The following ADAMTS9 variants were observed in gnomAD, a reference collection of about 807,000 sequenced individuals.
ADAMTS9 encodes the protein A disintegrin and metalloproteinase with thrombospondin motifs 9.
A neutral mutation model predicts 257.1 loss-of-function variants in ADAMTS9; 107 were observed. That is an observed-to-expected ratio of 0.42 (90% CI 0.36 to 0.49). The LOEUF (loss-of-function observed/expected upper bound fraction) is 0.49, where lower values mean the gene tolerates loss of function less well. Among genes scored for constraint, ADAMTS9 ranks in the 20% least tolerant of loss-of-function variants. ADAMTS9 has a pLI of 0.03. For synonymous variants in ADAMTS9, 982 were observed against 880.9 expected, an observed-to-expected ratio of 1.11 and a Z score of -2.03; for missense variants, 2,353 against 2,469.1, an observed-to-expected ratio of 0.95 and a Z score of 1.00.
chr3:64,659,580 G>C (rs1009112708), intron 3 of ADAMTS9, among the ~76,000 whole-genome samples: 1 of 151,888 alleles, frequency 6.6e-6, no homozygotes, highest in Non-Finnish European at 1.5e-5. Flanking sequence ...AGACGATACA[G>C]AGGAACTGTA....
chr3:64,598,547 T>C (rs755492822), intron 26 of ADAMTS9, among the ~76,000 whole-genome samples: 16 of 152,106 alleles, frequency 1.1e-4, no homozygotes, highest in Non-Finnish European at 2.1e-4. Context: ...CTCGAACTCT[T>C]GGCCTCAAGC....
intron 27 of ADAMTS9, 84 bp from the exon 28 acceptor site, chr3:64,594,518 A>T (rs889106987): frequency 9.8e-6 from 15 of 1,533,476 alleles, no homozygotes; most frequent in Non-Finnish European, 1.2e-5. Flanking sequence ...TCTTAGCCAA[A>T]CTCAATTATG....
At chr3:64,525,954 A>G (rs4494919) in intron 38 of ADAMTS9, among the ~76,000 whole-genome samples, 3,200 of 147,756 alleles carry the variant, frequency 0.022, 114 homozygotes, top group African/African-American at 0.072. Context: ...TATAATAAAC[A>G]TTTATATAAA....
chr3:64,535,959 C>T (rs2106899940), intron 37 of ADAMTS9, among the ~76,000 whole-genome samples: 1 of 152,254 alleles, frequency 6.6e-6, no homozygotes, highest in East Asian at 1.9e-4. Flanking sequence ...TTTCTCCCTC[C>T]ATTCTGCTTT....
chr3:64,560,625 A>C (rs2083403981), intron 30 of ADAMTS9, among the ~76,000 whole-genome samples: 1 of 152,140 alleles, frequency 6.6e-6, no homozygotes, highest in Non-Finnish European at 1.5e-5. Context: ...GGATGATGAT[A>C]ATAATAATAA....
intron 38 of ADAMTS9, among the ~76,000 whole-genome samples, chr3:64,532,435 C>G (rs533359174): frequency 1.3e-5 from 2 of 152,066 alleles, no homozygotes; most frequent in South Asian, 4.2e-4. Context: ...GGGTTTCTAC[C>G]GAGCGTGTTC....
At chr3:64,676,233 A>G (rs1468678219) in intron 3 of ADAMTS9, among the ~76,000 whole-genome samples, 1 of 152,206 alleles carries the variant, frequency 6.6e-6, no homozygotes, top group Non-Finnish European at 1.5e-5. Flanking sequence ...CTAAGGTCCT[A>G]AGATCCTAAG....
At chr3:64,646,680 G>A (rs527476941) in intron 11 of ADAMTS9, among the ~76,000 whole-genome samples, 6 of 152,176 alleles carry the variant, frequency 3.9e-5, no homozygotes, top group Admixed American at 2.0e-4. Context: ...TTTTATTTTC[G>A]CATTGGACTT....
intron 31 of ADAMTS9, among the ~76,000 whole-genome samples, chr3:64,549,532 C>G (rs983748840): frequency 6.6e-6 from 1 of 152,098 alleles, no homozygotes; most frequent in Non-Finnish European, 1.5e-5. Flanking sequence ...AAATCAATGT[C>G]GTAAAGATCA....
At chr3:64,607,897 C>G (rs536999396) in intron 22 of ADAMTS9, among the ~76,000 whole-genome samples, 34 of 152,130 alleles carry the variant, frequency 2.2e-4, no homozygotes, top group African/African-American at 8.2e-4. Context: ...CGTTAGGCTG[C>G]AAAACAAGTC....
Position 64,541,324 on chromosome 3 carries a change from G to A in ADAMTS9, c.5383C>T (p.His1795Tyr), listed in dbSNP as rs769061634. 6 of 1,614,096 alleles carry A rather than the reference G, an allele frequency of 3.7e-6. No individual in the cohort carries two copies. In the South Asian group the frequency reaches 6.6e-5, roughly 18 times the overall value. ...TTCTGAGCCTGGCTCTCCTACCTGT[G>A]CCCATAAACCTCGGAGAAATTCTCA... is the stretch of plus-strand genomic sequence containing the variant. Reference protein sequence around the residue: ...DSENFSEVYGHRLHNPTECPY... With the variant: ...DSENFSEVYGYRLHNPTECPY... Residue 1795 changes from histidine to tyrosine, a missense_variant, in exon 35 of 40, where the codon CAC becomes TAC. Physicochemically the swap from His to Tyr is moderately conservative, Grantham distance 83. Transcript: ENST00000498707.
intron 25 of ADAMTS9, 72 bp from the exon 26 acceptor site, chr3:64,602,285 T>G: frequency 6.4e-7 from 1 of 1,550,684 alleles, no homozygotes; most frequent in Non-Finnish European, 8.8e-7. Flanking sequence ...GAATGTGCAT[T>G]TCTGTAAATG....
chr3:64,527,963 G>C (rs181028511), intron 38 of ADAMTS9, among the ~76,000 whole-genome samples: 4 of 152,264 alleles, frequency 2.6e-5, no homozygotes, highest in African/African-American at 9.6e-5. Context: ...GTGAATTGAA[G>C]GATAGGAACT....
At chr3:64,520,478 G>A (rs1018417688) in intron 39 of ADAMTS9, among the ~76,000 whole-genome samples, 1 of 152,112 alleles carries the variant, frequency 6.6e-6, no homozygotes, top group African/African-American at 2.4e-5. Context: ...GAGCCTAAAA[G>A]CGAAAGCAAT....
At chr3:64,550,214 TG>T (rs2083254457) in intron 31 of ADAMTS9, 1 of 152,216 alleles carries the variant, frequency 6.6e-6, no homozygotes, top group South Asian at 2.1e-4. Flanking sequence ...GGAAGATATA[TG>T]AAAAAATGGT....
intron 32 of ADAMTS9, among the ~76,000 whole-genome samples, chr3:64,544,894 T>C (rs994791332): frequency 6.6e-6 from 1 of 152,096 alleles, no homozygotes; most frequent in Admixed American, 6.6e-5. Context: ...CCAGAATCTA[T>C]GAAGAACTTA....
chr3:64,675,710 A>G (rs1366689626), intron 3 of ADAMTS9, among the ~76,000 whole-genome samples: 1 of 152,164 alleles, frequency 6.6e-6, no homozygotes, highest in African/African-American at 2.4e-5. Context: ...GCACATTGGA[A>G]ATAGATTGGG....
intron 4 of ADAMTS9, among the ~76,000 whole-genome samples, chr3:64,657,352 T>G (rs1559814682): frequency 6.6e-6 from 1 of 152,206 alleles, no homozygotes; most frequent in Non-Finnish European, 1.5e-5. Flanking sequence ...ACTTTTTCTT[T>G]TTGAGGCAGG....
intron 28 of ADAMTS9, among the ~76,000 whole-genome samples, chr3:64,584,622 A>G (rs897185557): frequency 2.0e-5 from 3 of 152,296 alleles, no homozygotes; most frequent in Non-Finnish European, 2.9e-5. Flanking sequence ...TGTTTCTTTA[A>G]GAAATTTTAT....
Sources: gnomAD v4.1 joint callset for allele counts (sites outside exome capture counted in the v4.1 genomes callset) on GRCh38, gnomAD v4.1.1 for gene constraint, MANE v1.5 for transcripts, NCBI Gene and HGNC (gene_info 2026-07-23, HGNC 2026-07-21) for gene names.